Variants in P2RY6 observed in about 807,000 individuals in gnomAD.
P2RY6 encodes P2Y purinoceptor 6.
P2RY6 carries 19 observed loss-of-function variants against 16.3 expected under a neutral mutation model. That is an observed-to-expected ratio of 1.16 (90% CI 0.81 to 1.71). P2RY6 has a LOEUF of 1.71. Ranked by LOEUF, P2RY6 falls within the 40% of genes most tolerant of loss-of-function variation. The pLI, the probability that P2RY6 is intolerant of heterozygous loss-of-function variation, is 0.00. For missense variants in P2RY6, 389 were observed against 455.5 expected (o/e 0.85, Z 1.33); for synonymous variants, 184 against 201.5 (o/e 0.91, Z 0.74).
intron 1 of P2RY6, among the ~76,000 whole-genome samples, chr11:73,290,303 A>AAAAG (rs563446982): frequency 0.12 from 14,052 of 112,568 alleles, 914 homozygotes; most frequent in East Asian, 0.16. Context: ...AGAAAGAAAG[A>AAAAG]AAAGAAAGAA....
At chr11:73,274,554 AAG>A (rs1863454666) in intron 1 of P2RY6, among the ~76,000 whole-genome samples, 1 of 151,662 alleles carries the variant, frequency 6.6e-6, no homozygotes, top group Non-Finnish European at 1.5e-5. Flanking sequence ...AAAAAAAAAA[AAG>A]AAAGAAAGAA....
At chr11:73,266,287 G>A (rs1048076702) in intron 1 of P2RY6, among the ~76,000 whole-genome samples, 1 of 152,230 alleles carries the variant, frequency 6.6e-6, no homozygotes, top group African/African-American at 2.4e-5. Flanking sequence ...TGGAGCGTGG[G>A]AGAGAGGTTG....
At chr11:73,265,825 A>G (rs1863083839) in intron 1 of P2RY6, among the ~76,000 whole-genome samples, 1 of 152,218 alleles carries the variant, frequency 6.6e-6, no homozygotes, top group Non-Finnish European at 1.5e-5. Context: ...ACGCAGAAAT[A>G]TTAGAGAGGC....
At position 73,296,980 on chromosome 11, in the gene P2RY6, C is replaced by T. The variant is rs370070711; in HGVS notation, c.462C>T (p.Ala154=). Residue 154 remains alanine (A), a synonymous_variant, in exon 3 of 3, where the codon GCC becomes GCT. Transcript: ENST00000540124. ...TAGTGTGTGTAGCCGTGTGGCTGGC[C>T]GTGACAACCCAGTGCCTGCCCACAG... ...AWLVCVAVWL[A]VTTQCLPTAI... 141 of 1,601,992 alleles carry T rather than the reference C, an allele frequency of 8.8e-5. 2 individuals are homozygous for T. The highest frequency in any genetic ancestry group is 1.6e-4 in the Middle Eastern group (1 of 6,062).
chr11:73,270,364 T>G (rs1055040839), upstream of P2RY6, among the ~76,000 whole-genome samples: 2 of 152,058 alleles, frequency 1.3e-5, no homozygotes, highest in African/African-American at 4.8e-5. Context: ...TGGGGCAGGC[T>G]GGCACTACCA....
chr11:73,277,316 G>A (rs1863578906), intron 1 of P2RY6, among the ~76,000 whole-genome samples: 1 of 152,098 alleles, frequency 6.6e-6, no homozygotes, highest in Non-Finnish European at 1.5e-5. Flanking sequence ...GTTTCACCAT[G>A]TTGGCCAGGC....
At chr11:73,270,859 C>A (rs1863273487), upstream of P2RY6, among the ~76,000 whole-genome samples, 1 of 152,108 alleles carries the variant, frequency 6.6e-6, no homozygotes, top group African/African-American at 2.4e-5. Flanking sequence ...AGAGGGTGAT[C>A]TGGCAAATCT....
chr11:73,285,395 A>G (rs1305525426), intron 1 of P2RY6, among the ~76,000 whole-genome samples: 1 of 152,044 alleles, frequency 6.6e-6, no homozygotes, highest in Admixed American at 6.6e-5. Flanking sequence ...CTTCATGCAC[A>G]CTCCACAGCA....
intron 1 of P2RY6, among the ~76,000 whole-genome samples, chr11:73,279,743 G>A (rs901941307): frequency 6.6e-6 from 1 of 152,212 alleles, no homozygotes; most frequent in African/African-American, 2.4e-5. Context: ...GGTTGCCCCT[G>A]AACCAATCAC....
At chr11:73,290,456 A>C (rs941475689) in intron 1 of P2RY6, among the ~76,000 whole-genome samples, 3 of 152,256 alleles carry the variant, frequency 2.0e-5, no homozygotes, top group Admixed American at 6.5e-5. Flanking sequence ...GAGGCCAAAG[A>C]GGGAGGATCT....
At chr11:73,273,215 G>A (rs1169726725) in intron 1 of P2RY6, among the ~76,000 whole-genome samples, 1 of 151,976 alleles carries the variant, frequency 6.6e-6, no homozygotes. Flanking sequence ...TGCTGACACC[G>A]ACACAGAGAA....
At chr11:73,281,092 T>C (rs1863742627) in intron 1 of P2RY6, among the ~76,000 whole-genome samples, 1 of 152,120 alleles carries the variant, frequency 6.6e-6, no homozygotes, top group South Asian at 2.1e-4. Context: ...TGACATGAAG[T>C]GGGACCTCAG....
At chr11:73,279,058 T>A (rs76700816) in intron 1 of P2RY6, among the ~76,000 whole-genome samples, 4 of 151,876 alleles carry the variant, frequency 2.6e-5, no homozygotes, top group African/African-American at 4.8e-5. Flanking sequence ...TTTTTTTTTT[T>A]AATAATAGCC....
At chr11:73,296,350 G>C in intron 2 of P2RY6, 135 bp from the exon 3 acceptor site, 2 of 684,968 alleles carry the variant, frequency 2.9e-6, no homozygotes, top group Non-Finnish European at 2.4e-6. Flanking sequence ...GGGCTTCACG[G>C]GGTGGTTAGA....
At chr11:73,269,306 G>C (rs561427317), upstream of P2RY6, among the ~76,000 whole-genome samples, 3 of 152,108 alleles carry the variant, frequency 2.0e-5, no homozygotes, top group South Asian at 6.2e-4. Context: ...TCCCCTCCCC[G>C]TGAGGAGCCT....
At chr11:73,266,958 G>A (rs1863126385) in intron 1 of P2RY6, among the ~76,000 whole-genome samples, 1 of 152,194 alleles carries the variant, frequency 6.6e-6, no homozygotes, top group Admixed American at 6.5e-5. Context: ...TAGCTGTCAG[G>A]GAGGTGGGAC....
chr11:73,290,293 A>AGCAAGAAAG (rs1864154281), intron 1 of P2RY6, among the ~76,000 whole-genome samples: 1 of 139,124 alleles, frequency 7.2e-6, no homozygotes, highest in Non-Finnish European at 1.5e-5. Context: ...AAAGAAAGAA[A>AGCAAGAAAG]GAAAGAAAGA....
chr11:73,267,357 C>T (rs755946887), upstream of P2RY6, among the ~76,000 whole-genome samples: 3 of 152,174 alleles, frequency 2.0e-5, no homozygotes, highest in Non-Finnish European at 4.4e-5. Context: ...AGAGGCCCCT[C>T]CTCATCAGAG....
chr11:73,281,377 C>T (rs1863756178), intron 1 of P2RY6, among the ~76,000 whole-genome samples: 1 of 152,230 alleles, frequency 6.6e-6, no homozygotes, highest in African/African-American at 2.4e-5. Context: ...GGGGCACAGA[C>T]TAGCTGAGCT....
Sources: gnomAD v4.1 joint callset for allele counts (sites outside exome capture counted in the v4.1 genomes callset) on GRCh38, gnomAD v4.1.1 for gene constraint, MANE v1.5 for transcripts, NCBI Gene and HGNC (gene_info 2026-07-23, HGNC 2026-07-21) for gene names.